MAP4K4: variants seen among roughly 807,000 people sequenced by gnomAD.
MAP4K4 encodes the protein mitogen-activated protein kinase kinase kinase kinase 4.
In MAP4K4, 38 loss-of-function variants were observed where a neutral mutation model predicts 189.6. The ratio of observed to expected loss-of-function variants is 0.20; its 90% confidence interval spans 0.15 to 0.26. The LOEUF (loss-of-function observed/expected upper bound fraction) is 0.26. MAP4K4 is among the 10% of genes least tolerant of loss of function. The pLI is 1.00. For synonymous variants in MAP4K4, 610 were observed against 624.3 expected (o/e 0.98, Z 0.34); for missense variants, 1,054 against 1,726.9 (o/e 0.61, Z 6.91).
intron 10 of MAP4K4, 100 bp downstream of exon 10, chr2:101,840,094 T>C: frequency 1.7e-6 from 2 of 1,164,246 alleles, no homozygotes; most frequent in South Asian, 1.6e-5. Context: ...GAGTGCTCAC[T>C]TGGCCAGTGC....
intron 2 of MAP4K4, among the ~76,000 whole-genome samples, chr2:101,737,626 A>T (rs1221616595): frequency 4.0e-5 from 6 of 151,544 alleles, no homozygotes; most frequent in African/African-American, 1.5e-4. Flanking sequence ...CATGCTGATG[A>T]ATGCACACAT....
intron 1 of MAP4K4, 125 bp from the exon 2 acceptor site, chr2:101,698,348 T>TG (rs2035775286): frequency 1.1e-6 from 1 of 944,656 alleles, no homozygotes; most frequent in Non-Finnish European, 1.7e-6. Flanking sequence ...CCCCGGGCGC[T>TG]GGGGGACCGC....
chr2:101,882,405 GT>G, intron 27 of MAP4K4, 145 bp from the exon 28 acceptor site: 1 of 504,806 alleles, frequency 2.0e-6, no homozygotes, highest in Middle Eastern at 5.4e-4. Context: ...AGCTGTTTCT[GT>G]GGTACACATC....
intron 11 of MAP4K4, among the ~76,000 whole-genome samples, chr2:101,843,722 G>T (rs1358833755): frequency 6.6e-6 from 1 of 152,110 alleles, no homozygotes; most frequent in Non-Finnish European, 1.5e-5. Flanking sequence ...CAAAGGAATG[G>T]TGTAAACACT....
chr2:101,879,647 A>T (rs964494346), intron 27 of MAP4K4, among the ~76,000 whole-genome samples: 13 of 152,326 alleles, frequency 8.5e-5, no homozygotes, highest in Non-Finnish European at 1.6e-4. Flanking sequence ...ATCCATCCAG[A>T]TAGCCCCACC....
At chr2:101,738,507 C>G (rs1184428322) in intron 2 of MAP4K4, among the ~76,000 whole-genome samples, 2 of 152,092 alleles carry the variant, frequency 1.3e-5, no homozygotes, top group African/African-American at 4.8e-5. Flanking sequence ...TTGATAGTTA[C>G]TGCCTTTGGG....
chr2:101,700,785 T>TG (rs998761449), intron 2 of MAP4K4, among the ~76,000 whole-genome samples: 3 of 151,940 alleles, frequency 2.0e-5, no homozygotes, highest in African/African-American at 7.2e-5. Context: ...AAATGTGTTT[T>TG]TTTTTTTTTT....
intron 12 of MAP4K4, among the ~76,000 whole-genome samples, chr2:101,854,402 G>A (rs185835733): frequency 1.3e-5 from 2 of 152,140 alleles, no homozygotes; most frequent in South Asian, 2.1e-4. Context: ...TGAGTTTTGT[G>A]TATTGAATTC....
chr2:101,721,911 C>T (rs1010903140), intron 2 of MAP4K4, among the ~76,000 whole-genome samples: 1 of 152,156 alleles, frequency 6.6e-6, no homozygotes, highest in Middle Eastern at 3.2e-3. Flanking sequence ...CAATAAAAGC[C>T]AGCAAGACAA....
At chr2:101,840,660 A>G (rs368488369) in intron 10 of MAP4K4, among the ~76,000 whole-genome samples, 1 of 152,226 alleles carries the variant, frequency 6.6e-6, no homozygotes, top group Non-Finnish European at 1.5e-5. Context: ...TGAGGCTGCT[A>G]GCTCACATTG....
At chr2:101,876,576 G>A (rs939024067) in intron 26 of MAP4K4, among the ~76,000 whole-genome samples, 1 of 152,146 alleles carries the variant, frequency 6.6e-6, no homozygotes, top group African/African-American at 2.4e-5. Context: ...CCAGAGATTT[G>A]CCAATGAAAG....
rs149696724 is a variant in MAP4K4, at chr2:101,739,514, A to G, written c.123+40976A>G. On this transcript the variant is annotated intron_variant, in intron 2 of 32. Transcript: ENST00000324219. ...GTGCTATGGGTTTTTAGTGGTTGTA[A>G]TTTAAGTTCTCTGGAGGTTGTCAGC... 4.5e-3 allele frequency among the ~76,000 whole-genome samples: 679 copies of G among 152,272 alleles called. 8 individuals are homozygous for G. Among genetic ancestry groups the G allele is most frequent in the African/African-American group, 0.015 (632 of 41,542 alleles).
In MAP4K4 at chr2:101,877,414, G is replaced by A. The variant is rs139169841; in HGVS notation, c.3385+268G>A. Among the ~76,000 whole-genome samples the A allele has an allele frequency of 9.1e-3, 1,372 of 151,504 alleles. 27 individuals carry two copies. The highest frequency in any genetic ancestry group is 0.032 in the African/African-American group (1,304 of 41,142). On this transcript the variant is annotated intron_variant, in intron 27 of 32. Transcript: ENST00000324219. Reference sequence around the variant, plus strand: ...CTCTCACTGCCCTCTCTGCCCAGTTGCTTGTTAGATTTCATTTGCCTTGTC... The same window carrying A: ...CTCTCACTGCCCTCTCTGCCCAGTTACTTGTTAGATTTCATTTGCCTTGTC...
At chr2:101,811,062 G>A (rs2095389639) in intron 3 of MAP4K4, among the ~76,000 whole-genome samples, 2 of 152,120 alleles carry the variant, frequency 1.3e-5, no homozygotes, top group African/African-American at 2.4e-5. Flanking sequence ...ACTAAGTTTA[G>A]TTAGTCTAGG....
chr2:101,731,804 T>G (rs956521671), intron 2 of MAP4K4, among the ~76,000 whole-genome samples: 3 of 151,656 alleles, frequency 2.0e-5, no homozygotes, highest in African/African-American at 7.3e-5. Context: ...ATAAAGGGAA[T>G]TTTGAAAATA....
chr2:101,725,033 A>G, intron 2 of MAP4K4, among the ~76,000 whole-genome samples: 1 of 152,232 alleles, frequency 6.6e-6, no homozygotes, highest in East Asian at 1.9e-4. Flanking sequence ...CTTGGTGTAG[A>G]GTAGGCCATA....
chr2:101,804,921 A>C (rs2149043663), intron 3 of MAP4K4, among the ~76,000 whole-genome samples: 1 of 152,108 alleles, frequency 6.6e-6, no homozygotes, highest in South Asian at 2.1e-4. Flanking sequence ...TAAAGATACA[A>C]AAATTGGCCG....
At chr2:101,815,255 T>C (rs578008998) in intron 3 of MAP4K4, among the ~76,000 whole-genome samples, 2 of 152,318 alleles carry the variant, frequency 1.3e-5, no homozygotes, top group Admixed American at 6.5e-5. Context: ...ATGACCTGTA[T>C]GATAATGTGG....
chr2:101,876,979 G>A (rs770288303), intron 26 of MAP4K4, 24 bp from the exon 27 acceptor site: 1 of 1,613,072 alleles, frequency 6.2e-7, no homozygotes, highest in Admixed American at 1.7e-5. Context: ...ATAAAATTGA[G>A]GCCTTTCTGT....
Sources: gnomAD v4.1 joint callset for allele counts (sites outside exome capture counted in the v4.1 genomes callset) on GRCh38, gnomAD v4.1.1 for gene constraint, MANE v1.5 for transcripts, NCBI Gene and HGNC (gene_info 2026-07-23, HGNC 2026-07-21) for gene names.